The following NRXN1 variants were observed in gnomAD, a reference collection of about 807,000 sequenced individuals.
NRXN1 encodes neurexin-1.
A neutral mutation model predicts 150.9 loss-of-function variants in NRXN1; 39 were observed. That is an observed-to-expected ratio of 0.26 (90% CI 0.20 to 0.34). The LOEUF (loss-of-function observed/expected upper bound fraction) is 0.34. Among genes scored for constraint, NRXN1 ranks in the 10% least tolerant of loss-of-function variants. The pLI is 1.00. For missense variants in NRXN1, 1,815 were observed against 1,949.9 expected (o/e 0.93, Z 1.30); for synonymous variants, 924 against 757.0 (o/e 1.22, Z -3.62).
chr2:50,622,413 T>C (rs932300746), intron 6 of NRXN1, among the ~76,000 whole-genome samples: 1 of 152,128 alleles, frequency 6.6e-6, no homozygotes, highest in Non-Finnish European at 1.5e-5. Context: ...ACAACAAATA[T>C]GTTAAGGATA....
chr2:50,234,874 T>C (rs954258938), intron 18 of NRXN1, among the ~76,000 whole-genome samples: 1 of 151,902 alleles, frequency 6.6e-6, no homozygotes, highest in Non-Finnish European at 1.5e-5. Context: ...AAAGGAGATA[T>C]GGAGGGTATT....
chr2:50,630,231 A>G (rs948201317), intron 5 of NRXN1, among the ~76,000 whole-genome samples: 1 of 151,698 alleles, frequency 6.6e-6, no homozygotes, highest in African/African-American at 2.4e-5. Context: ...AAAAAAGTTA[A>G]CCATTACTGA....
At chr2:50,147,323 T>C (rs532177833) in intron 18 of NRXN1, among the ~76,000 whole-genome samples, 5 of 151,890 alleles carry the variant, frequency 3.3e-5, no homozygotes, top group African/African-American at 9.6e-5. Flanking sequence ...ATTATCTTTA[T>C]CTGTATAGCC....
rs573727165 is a variant in NRXN1, at chr2:50,167,144, T to C, written c.3546+69645A>G. On this transcript the variant is annotated intron_variant, in intron 18 of 22. Transcript: ENST00000401669. ...GTTAAGTCTCAACACCGAGTACTAA[T>C]GACTAAAGTAAAAGAACACTGATGA... Among the ~76,000 whole-genome samples, 83 of 152,244 alleles carry C rather than the reference T, an allele frequency of 5.5e-4. 1 individual carries two copies. In the South Asian group the frequency reaches 0.016, roughly 29 times the overall value.
At chr2:50,574,432 A>C (rs1251781628) in intron 8 of NRXN1, among the ~76,000 whole-genome samples, 2 of 152,152 alleles carry the variant, frequency 1.3e-5, no homozygotes, top group Non-Finnish European at 2.9e-5. Context: ...CACGTTTGGA[A>C]ACTGAACGGT....
chr2:50,087,500 G>A (rs969417269), intron 19 of NRXN1, among the ~76,000 whole-genome samples: 26 of 152,066 alleles, frequency 1.7e-4, no homozygotes, highest in Non-Finnish European at 5.9e-5. Context: ...TTATGAGAAA[G>A]AAAGTCTATT....
chr2:50,524,711 T>C (rs1371357766), intron 12 of NRXN1, among the ~76,000 whole-genome samples: 1 of 152,072 alleles, frequency 6.6e-6, no homozygotes, highest in Non-Finnish European at 1.5e-5. Context: ...AGGACTTACC[T>C]ATAGTTGATA....
chr2:50,921,805 A>G, intron 5 of NRXN1, 64 bp downstream of exon 5: 1 of 776,734 alleles, frequency 1.3e-6, no homozygotes. Flanking sequence ...AAATACATTT[A>G]TGTAACTCAG....
chr2:49,962,241 A>G (rs1676097281), intron 21 of NRXN1, among the ~76,000 whole-genome samples: 1 of 152,194 alleles, frequency 6.6e-6, no homozygotes, highest in South Asian at 2.1e-4. Context: ...CTGAGTTCTG[A>G]TGAAGCAACA....
chr2:49,940,832 G>A (rs540784172), intron 22 of NRXN1, among the ~76,000 whole-genome samples: 8 of 152,242 alleles, frequency 5.3e-5, no homozygotes, highest in African/African-American at 9.6e-5. Context: ...TATCAAGACC[G>A]GGGGAGATAA....
At chr2:50,590,437 T>G (rs1345446667) in intron 8 of NRXN1, among the ~76,000 whole-genome samples, 1 of 152,164 alleles carries the variant, frequency 6.6e-6, no homozygotes, top group African/African-American at 2.4e-5. Context: ...TATGCACAGC[T>G]TTTCCCATGA....
At chr2:50,618,085 A>G (rs1272023120) in intron 8 of NRXN1, among the ~76,000 whole-genome samples, 1 of 152,040 alleles carries the variant, frequency 6.6e-6, no homozygotes, top group African/African-American at 2.4e-5. Flanking sequence ...TTCCAATCTA[A>G]GCAGGATTAC....
chr2:50,942,577 A>T (rs1689629543), intron 2 of NRXN1, among the ~76,000 whole-genome samples: 1 of 152,068 alleles, frequency 6.6e-6, no homozygotes, highest in South Asian at 2.1e-4. Flanking sequence ...GCCAGGGGAG[A>T]TTATTTTGGA....
chr2:50,521,907 C>A (rs999754577), intron 12 of NRXN1, among the ~76,000 whole-genome samples: 1 of 152,034 alleles, frequency 6.6e-6, no homozygotes, highest in African/African-American at 2.4e-5. Flanking sequence ...TATGGGGCGA[C>A]CTGAACTGAA....
chr2:50,314,572 T>TA lies in NRXN1; in HGVS notation c.3365-77603_3365-77602insT, dbSNP rs1186175580. On this transcript the variant is annotated intron_variant, in intron 17 of 22. Transcript: ENST00000401669. ...GCATTGACATCAATGATTTTCTGAG[T>TA]TTATTTTTTAAATGCCATTGTTTGG... Among the ~76,000 whole-genome samples the TA allele has an allele frequency of 4.6e-5, 7 of 151,896 alleles. No homozygotes were observed. The East Asian group carries it at 1.2e-3, about 25-fold the overall frequency.
intron 12 of NRXN1, among the ~76,000 whole-genome samples, chr2:50,518,458 G>T (rs1375135111): frequency 1.3e-5 from 2 of 151,808 alleles, no homozygotes; most frequent in African/African-American, 2.4e-5. Flanking sequence ...CAGTGTTTGT[G>T]TAGTGTTAAA....
At chr2:50,989,270 C>T (rs1698184851) in intron 2 of NRXN1, among the ~76,000 whole-genome samples, 1 of 151,908 alleles carries the variant, frequency 6.6e-6, no homozygotes. Context: ...ATGTGTTCAT[C>T]TCATTACTAT....
intron 21 of NRXN1, among the ~76,000 whole-genome samples, chr2:50,039,150 C>G (rs1413155169): frequency 3.9e-5 from 6 of 151,986 alleles, no homozygotes; most frequent in African/African-American, 1.5e-4. Flanking sequence ...GTACTCCAGC[C>G]TGAGCAACAA....
At chr2:50,874,894 A>G (rs564383603) in intron 5 of NRXN1, among the ~76,000 whole-genome samples, 1 of 152,010 alleles carries the variant, frequency 6.6e-6, no homozygotes, top group African/African-American at 2.4e-5. Flanking sequence ...ACGAATAAGC[A>G]TTACTATAAT....
Sources: allele counts gnomAD v4.1 joint callset (sites outside exome capture counted in the v4.1 genomes callset), GRCh38; gene constraint gnomAD v4.1.1; transcripts MANE v1.5; gene names NCBI Gene and HGNC (gene_info 2026-07-23, HGNC 2026-07-21).